B3GALT2: variants seen among roughly 807,000 people sequenced by gnomAD.
B3GALT2 encodes the protein beta-1,3-galactosyltransferase 2, also known as UDP-Gal:betaGlcNAc beta 1,3-galactosyltransferase, polypeptide 2.
A neutral mutation model predicts 33.5 loss-of-function variants in B3GALT2; 13 were observed. The observed-to-expected ratio is 0.39, with a 90% CI of 0.25 to 0.62. The LOEUF (loss-of-function observed/expected upper bound fraction) is 0.62, where lower values mean the gene tolerates loss of function less well. Ranked by LOEUF, B3GALT2 falls within the 20% of genes least tolerant of loss-of-function variation. The pLI, the probability that B3GALT2 is intolerant of heterozygous loss-of-function variation, is 0.53. For synonymous variants in B3GALT2, 195 were observed against 172.7 expected (o/e 1.13, Z -1.01); for missense variants, 418 against 509.1 (o/e 0.82, Z 1.72).
intron 1 of B3GALT2, among the ~76,000 whole-genome samples, chr1:193,182,204 G>T (rs1676728503): frequency 6.6e-6 from 1 of 152,082 alleles, no homozygotes; most frequent in Non-Finnish European, 1.5e-5. Context: ...TGCTTGGCAT[G>T]TTTCCATTGG....
chr1:193,183,854 A>G (rs141916432), intron 1 of B3GALT2, among the ~76,000 whole-genome samples: 1 of 151,758 alleles, frequency 6.6e-6, no homozygotes, highest in Admixed American at 6.6e-5. Flanking sequence ...AATTATACAG[A>G]TTTTTTTTAA....
Position 193,186,385 on chromosome 1 carries a change from C to T in B3GALT2, c.-487G>A, listed in dbSNP as rs1198125903. On this transcript the variant is annotated 5_prime_UTR_variant, in exon 1 of 2. Coordinates refer to ENST00000367434, the MANE Select transcript of B3GALT2 (RefSeq NM_003783.3). Reference sequence around the variant, plus strand: ...GCTGGACAATGCAGTGCTGTGTTCTCGTCTCAGTATCCATATTTCTACTAA... The same window carrying T: ...GCTGGACAATGCAGTGCTGTGTTCTTGTCTCAGTATCCATATTTCTACTAA... 1.3e-5 allele frequency: 2 copies of T among 152,438 alleles called. No individual in the cohort carries two copies. The highest frequency in any genetic ancestry group is 3.9e-4 in the East Asian group (2 of 5,184). The allele number at this position is 152,438 out of a possible 1,614,324, so 9.4% of individuals were successfully genotyped here.
In B3GALT2 at chr1:193,178,965, TTAG is replaced by T. The variant is rs1423028304; in HGVS notation, c.*1326_*1328del. On this transcript the variant is annotated 3_prime_UTR_variant, in exon 2 of 2. Coordinates refer to ENST00000367434, the MANE Select transcript of B3GALT2 (RefSeq NM_003783.3). ...GTATGGAATAAAAACACTATTTTAG[TTAG>T]TAGGTTGGTATTTCTTGATTTTAAA... The T allele has an allele frequency of 1.3e-5, 2 of 151,404 alleles. No homozygotes were observed. The highest frequency in any genetic ancestry group is 2.4e-5 in the African/African-American group (1 of 41,318). The allele number at this position is 151,404 out of a possible 1,614,324, so 9.4% of individuals were successfully genotyped here. A position where few individuals can be genotyped will look rare whatever the true frequency, so the allele number is the denominator to read the frequency against.
rs1479140373 is a variant in B3GALT2, at chr1:193,179,405, T to C, written c.*889A>G. ...TTCAACAGTACATCCTATTTGTGCC[T>C]TTAAGTGATTACTTTTGCTTCGATT... On this transcript the variant is annotated 3_prime_UTR_variant, in exon 2 of 2. Transcript: ENST00000367434. 6.6e-6 allele frequency: 1 copy of C among 152,656 alleles called. No homozygotes were observed. The highest frequency in any genetic ancestry group is 2.4e-5 in the African/African-American group (1 of 41,466). The allele number at this position is 152,656 out of a possible 1,614,324, so 9.5% of individuals were successfully genotyped here.
At chr1:193,183,815 T>C (rs1038967676) in intron 1 of B3GALT2, among the ~76,000 whole-genome samples, 2 of 151,930 alleles carry the variant, frequency 1.3e-5, no homozygotes, top group East Asian at 3.8e-4. Flanking sequence ...TCTGCTGATA[T>C]GATAATACTT....
chr1:193,180,921 A>G lies in B3GALT2; in HGVS notation c.642T>C (p.Asp214=), dbSNP rs761170065. Residue 214 remains aspartate, a synonymous_variant, in exon 2 of 2, where the codon GAT becomes GAC. Coordinates refer to ENST00000367434, the MANE Select transcript of B3GALT2 (RefSeq NM_003783.3). ...TATCTAAGTATTCCTGTTGAATTAT[A>G]TCATGATATTGTCTGCTTTCTTCCA... The part of the protein sequence containing the change: ...AILEESRQYH[D]IIQQEYLDTY... The G allele has an allele frequency of 3.1e-6, 5 of 1,613,764 alleles. No individual in the cohort carries two copies. Among genetic ancestry groups the G allele is most frequent in the Non-Finnish European group, 4.2e-6 (5 of 1,179,974 alleles).
Position 193,180,551 on chromosome 1 carries a change from G to A in B3GALT2, c.1012C>T (p.His338Tyr), listed in dbSNP as rs1676696545. 2 of 1,614,058 alleles carry A rather than the reference G, an allele frequency of 1.2e-6. No individual in the cohort carries two copies. Among genetic ancestry groups the A allele is most frequent in the African/African-American group, 1.3e-5 (1 of 75,042 alleles). Residue 338 changes from histidine to tyrosine, a missense_variant, in exon 2 of 2, where the codon CAC becomes TAC. His to Tyr is a moderately conservative substitution (Grantham distance 83). Coordinates refer to ENST00000367434, the MANE Select transcript of B3GALT2 (RefSeq NM_003783.3). ...ATCCCTACATATACATCTTCCAAGT[G>A]CAAACGGCGGATACCTAAAGAAACT... ...FKVSLGIRRL[H>Y]LEDVYVGICL...
In B3GALT2 at chr1:193,180,485, T is replaced by A. The variant is rs775116737; in HGVS notation, c.1078A>T (p.Asn360Tyr). ...KLRIDPVPPP[N>Y]EFVFNHWRVS... ...CGCCAGTGATTGAACACAAACTCAT[T>A]GGGAGGGGGTACAGGATCAATTCTC... The change falls in exon 2 of 2, where the codon AAT becomes TAT. Residue 360 changes from asparagine to tyrosine, a missense_variant. Asn to Tyr is a moderately radical substitution (Grantham distance 143). Coordinates refer to ENST00000367434, the MANE Select transcript of B3GALT2 (RefSeq NM_003783.3). 4.3e-6 allele frequency: 7 copies of A among 1,613,988 alleles called. No homozygotes were observed. Among genetic ancestry groups the A allele is most frequent in the Non-Finnish European group, 3.4e-6 (4 of 1,179,924 alleles).
Position 193,180,235 on chromosome 1 carries a change from A to G in B3GALT2, c.*59T>C, listed in dbSNP as rs1392842849. The G allele has an allele frequency of 1.6e-5, 23 of 1,446,084 alleles. No homozygotes were observed. The highest frequency in any genetic ancestry group is 2.0e-5 in the Non-Finnish European group (22 of 1,073,314). The allele number at this position is 1,446,084 out of a possible 1,614,324, so 89.6% of individuals were successfully genotyped here. A position where few individuals can be genotyped will look rare whatever the true frequency, so the allele number is the denominator to read the frequency against. On this transcript the variant is annotated 3_prime_UTR_variant, in exon 2 of 2. Coordinates refer to ENST00000367434, the MANE Select transcript of B3GALT2 (RefSeq NM_003783.3). The stretch of plus-strand genomic sequence containing the variant: ...TTGTCCTACGGATGTAATCAGTTCT[A>G]ACTATACATGCTTTTAGCAATATTT...
chr1:193,181,492 C>G lies in B3GALT2; in HGVS notation c.71G>C (p.Arg24Pro), dbSNP rs201702090. Residue 24 changes from arginine to proline, a missense_variant, in exon 2 of 2, where the codon CGC (arginine) becomes CCC (proline). By Grantham distance (103) the Arg-to-Pro change is moderately radical (BLOSUM62 -2). This residue lies in a region of B3GALT2 where 188 missense variants were observed against 197.5 expected (regional missense o/e 0.95). Coordinates refer to ENST00000367434, the MANE Select transcript of B3GALT2 (RefSeq NM_003783.3). The stretch of plus-strand genomic sequence containing the variant: ...AGAAAGTACTCCAATAAGATGAGTG[C>G]GGAACAGAGACCTTTTGGCATTCCA... ...MTWNAKRSLF[R>P]THLIGVLSLV... is the part of the protein sequence containing the mutation. 1 of 1,613,048 alleles carries G rather than the reference C, an allele frequency of 6.2e-7. No homozygotes were observed. The highest frequency in any genetic ancestry group is 8.5e-7 in the Non-Finnish European group (1 of 1,179,610).
rs749130971 is a variant in B3GALT2, at chr1:193,179,448, C to T, written c.*846G>A. On this transcript the variant is annotated 3_prime_UTR_variant, in exon 2 of 2. Coordinates refer to ENST00000367434, the MANE Select transcript of B3GALT2 (RefSeq NM_003783.3). ...CTTCGATTATCTTTACAGATATATT[C>T]GAAGTTAGATATACATGAAATTAAA... The T allele has an allele frequency of 2.0e-5, 3 of 152,526 alleles. No homozygotes were observed. The highest frequency in any genetic ancestry group is 6.5e-5 in the Admixed American group (1 of 15,270). The allele number at this position is 152,526 out of a possible 1,614,324, so 9.4% of individuals were successfully genotyped here.
chr1:193,182,431 A>G (rs371488270), intron 1 of B3GALT2, among the ~76,000 whole-genome samples: 19 of 152,266 alleles, frequency 1.2e-4, no homozygotes, highest in East Asian at 5.8e-4. Context: ...TTGATTATCT[A>G]TGGCTTTGGC....
intron 1 of B3GALT2, among the ~76,000 whole-genome samples, chr1:193,183,223 C>T (rs1288588934): frequency 6.6e-6 from 1 of 151,508 alleles, no homozygotes; most frequent in Non-Finnish European, 1.5e-5. Context: ...GTAGCAGCCA[C>T]TAGGAGGAGC....
intron 1 of B3GALT2, among the ~76,000 whole-genome samples, chr1:193,183,109 A>G (rs1440464526): frequency 1.3e-5 from 2 of 151,952 alleles, no homozygotes; most frequent in Non-Finnish European, 2.9e-5. Flanking sequence ...GGAAATCCTC[A>G]TGTAATTGAA....
At position 193,181,650 on chromosome 1, in the gene B3GALT2, T is replaced by A; in HGVS notation, c.-88A>T. 1 of 1,230,090 alleles carries A rather than the reference T, an allele frequency of 8.1e-7. No individual in the cohort carries two copies. The highest frequency in any genetic ancestry group is 2.4e-5 in the East Asian group (1 of 42,080). 76.2% of individuals were successfully genotyped at this position (1,230,090 alleles called of 1,614,324 possible). A position where few individuals can be genotyped will look rare whatever the true frequency, so the allele number is the denominator to read the frequency against. ...ATACTATTCTTTGGCAATCATTTTC[T>A]AATTCAGTCACATTGTCTCTCTTGT... On this transcript the variant is annotated 5_prime_UTR_variant, in exon 2 of 2. Transcript: ENST00000367434.
In B3GALT2 at chr1:193,181,846, T is replaced by C. The variant is rs187364519; in HGVS notation, c.-120-164A>G. Among the ~76,000 whole-genome samples, 93 of 152,296 alleles carry C rather than the reference T, an allele frequency of 6.1e-4. No homozygotes were observed. In the Middle Eastern group the frequency reaches 0.027, roughly 45 times the overall value. On this transcript the variant is annotated intron_variant, in intron 1 of 1. Coordinates refer to ENST00000367434, the MANE Select transcript of B3GALT2 (RefSeq NM_003783.3). Reference sequence around the variant, plus strand: ...AACATAACATCACTGAGAACAAGATTAATTTATTTAAAAATATACCTTTGT... The same window carrying C: ...AACATAACATCACTGAGAACAAGATCAATTTATTTAAAAATATACCTTTGT...
chr1:193,179,739 C>A lies in B3GALT2; in HGVS notation c.*555G>T, dbSNP rs1034674360. 1 of 152,394 alleles carries A rather than the reference C, an allele frequency of 6.6e-6. No homozygotes were observed. The highest frequency in any genetic ancestry group is 2.4e-5 in the African/African-American group (1 of 41,380). The allele number at this position is 152,394 out of a possible 1,614,324, so 9.4% of individuals were successfully genotyped here. A position where few individuals can be genotyped will look rare whatever the true frequency, so the allele number is the denominator to read the frequency against. On this transcript the variant is annotated 3_prime_UTR_variant, in exon 2 of 2. Coordinates refer to ENST00000367434, the MANE Select transcript of B3GALT2 (RefSeq NM_003783.3). ...GTTATTTTTAAAAAGTAAATACTTT[C>A]GTGAGAACTGCATTGATGAAACATC...
In B3GALT2 at chr1:193,179,947, T is replaced by C. The variant is rs1040699511; in HGVS notation, c.*347A>G. On this transcript the variant is annotated 3_prime_UTR_variant, in exon 2 of 2. Transcript: ENST00000367434. ...GCTTAATCTAAAATGAAGGATCTTT[T>C]GACTGTCATTTCTTGAATTAAAATT... is the stretch of plus-strand genomic sequence containing the variant. The C allele has an allele frequency of 1.9e-5, 3 of 162,132 alleles. No individual in the cohort carries two copies. The Admixed American group carries it at 1.9e-4, about 10-fold the overall frequency. The allele number at this position is 162,132 out of a possible 1,614,324, so 10.0% of individuals were successfully genotyped here. A position where few individuals can be genotyped will look rare whatever the true frequency, so the allele number is the denominator to read the frequency against.
chr1:193,183,620 G>A (rs1676756304), intron 1 of B3GALT2, among the ~76,000 whole-genome samples: 1 of 150,576 alleles, frequency 6.6e-6, no homozygotes, highest in Admixed American at 6.6e-5. Flanking sequence ...TTTAGACCAG[G>A]GAACTATTTT....
Sources: allele counts gnomAD v4.1 joint callset (sites outside exome capture counted in the v4.1 genomes callset), GRCh38; gene constraint gnomAD v4.1.1; regional missense constraint gnomAD v4.1.1; transcripts MANE v1.5; gene names NCBI Gene and HGNC (gene_info 2026-07-23, HGNC 2026-07-21).